Variants in MCTP1 observed in about 807,000 individuals in gnomAD.
The protein encoded by MCTP1 is multiple C2 and transmembrane domain containing 1.
Under a neutral mutation model 120.6 loss-of-function variants are expected in MCTP1, and 69 were observed. That is an observed-to-expected ratio of 0.57 (90% CI 0.47 to 0.70). MCTP1 has a LOEUF of 0.70. Ranked by LOEUF, MCTP1 falls within the 30% of genes least tolerant of loss-of-function variation. MCTP1 has a pLI of 0.00. For missense variants in MCTP1, 1,203 were observed against 1,248.8 expected (o/e 0.96, Z 0.55); for synonymous variants, 529 against 493.1 (o/e 1.07, Z -0.96).
chr5:94,967,329 T>C (rs1825857534), intron 2 of MCTP1, among the ~76,000 whole-genome samples: 1 of 152,198 alleles, frequency 6.6e-6, no homozygotes, highest in Admixed American at 6.5e-5. Context: ...ATTGAACACT[T>C]ATTATATCAG....
intron 17 of MCTP1, among the ~76,000 whole-genome samples, chr5:94,829,249 G>C (rs920735300): frequency 2.0e-5 from 3 of 152,092 alleles, no homozygotes; most frequent in African/African-American, 7.2e-5. Context: ...GTGCTTCCTG[G>C]GTGAGGCGAC....
intron 1 of MCTP1, among the ~76,000 whole-genome samples, chr5:95,045,815 T>C (rs1024164178): frequency 6.6e-6 from 1 of 152,170 alleles, no homozygotes; most frequent in African/African-American, 2.4e-5. Context: ...GCTCCTTCTG[T>C]ATTTCAGAAA....
In MCTP1 at chr5:95,283,896, G is replaced by C; in HGVS notation, c.680C>G (p.Ser227Cys). 1 of 1,384,440 alleles carries C rather than the reference G, an allele frequency of 7.2e-7. No individual in the cohort carries two copies. Among genetic ancestry groups the C allele is most frequent in the Non-Finnish European group, 9.3e-7 (1 of 1,078,326 alleles). The allele number at this position is 1,384,440 out of a possible 1,614,324, so 85.8% of individuals were successfully genotyped here. A position where few individuals can be genotyped will look rare whatever the true frequency, so the allele number is the denominator to read the frequency against. Residue 227 changes from serine to cysteine, a missense_variant, in exon 1 of 23, where the codon TCT (serine) becomes TGT (cysteine). Transcript: ENST00000515393. Reference sequence around the variant, plus strand: ...CTCCTCGCCCGTCTCCGGGGCCCGAGACTCCGCGGGACTCCGCGCCGGCTC... The same window carrying C: ...CTCCTCGCCCGTCTCCGGGGCCCGACACTCCGCGGGACTCCGCGCCGGCTC... ...PAEPARSPAE[S>C]RAPETGEEHG...
chr5:95,007,455 T>G (rs1310289985), intron 2 of MCTP1, among the ~76,000 whole-genome samples: 1 of 152,164 alleles, frequency 6.6e-6, no homozygotes, highest in Non-Finnish European at 1.5e-5. Flanking sequence ...CCAACCATCA[T>G]ACCTGATGCA....
intron 10 of MCTP1, among the ~76,000 whole-genome samples, chr5:94,903,801 A>C (rs1419049637): frequency 6.6e-6 from 1 of 152,202 alleles, no homozygotes; most frequent in African/African-American, 2.4e-5. Flanking sequence ...TAATGCTGTA[A>C]ATCTTGCTAT....
chr5:94,758,563 A>G (rs1381877645), intron 19 of MCTP1, among the ~76,000 whole-genome samples: 1 of 152,236 alleles, frequency 6.6e-6, no homozygotes, highest in Non-Finnish European at 1.5e-5. Context: ...CAACTCTTAC[A>G]AGACAAAAAC....
At chr5:94,987,364 C>A (rs1202718617) in intron 2 of MCTP1, among the ~76,000 whole-genome samples, 1 of 152,094 alleles carries the variant, frequency 6.6e-6, no homozygotes, top group Non-Finnish European at 1.5e-5. Context: ...CTAGAATCAC[C>A]AATGTGCTGG....
At chr5:95,243,422 A>G (rs941775357) in intron 1 of MCTP1, among the ~76,000 whole-genome samples, 1 of 152,206 alleles carries the variant, frequency 6.6e-6, no homozygotes, top group Non-Finnish European at 1.5e-5. Flanking sequence ...CTCTGAAAAG[A>G]GTCATCACGG....
intron 1 of MCTP1, among the ~76,000 whole-genome samples, chr5:95,067,147 G>A (rs1315548995): frequency 6.6e-6 from 1 of 152,026 alleles, no homozygotes; most frequent in Admixed American, 6.6e-5. Flanking sequence ...GTGGGAGTGG[G>A]GGGATCGGAA....
At chr5:95,067,273 G>A (rs529174023) in intron 1 of MCTP1, among the ~76,000 whole-genome samples, 2 of 152,286 alleles carry the variant, frequency 1.3e-5, no homozygotes, top group South Asian at 2.1e-4. Context: ...AATATCGAAA[G>A]GAGGGGATTT....
chr5:94,763,391 A>T (rs1771804050), intron 19 of MCTP1, among the ~76,000 whole-genome samples: 1 of 152,172 alleles, frequency 6.6e-6, no homozygotes, highest in South Asian at 2.1e-4. Context: ...CCTCCTGCAC[A>T]TTATGCTCCT....
intron 1 of MCTP1, among the ~76,000 whole-genome samples, chr5:95,156,068 A>T (rs1243417894): frequency 6.6e-6 from 1 of 152,192 alleles, no homozygotes; most frequent in East Asian, 1.9e-4. Flanking sequence ...TCTAGGAACT[A>T]GGAACACAAA....
intron 1 of MCTP1, among the ~76,000 whole-genome samples, chr5:95,245,707 G>A (rs1756688977): frequency 6.6e-6 from 1 of 152,144 alleles, no homozygotes; most frequent in African/African-American, 2.4e-5. Context: ...CATTTGATTG[G>A]TGTACCGGAA....
intron 17 of MCTP1, among the ~76,000 whole-genome samples, chr5:94,819,592 T>C (rs1785215621): frequency 6.6e-6 from 1 of 152,218 alleles, no homozygotes; most frequent in Admixed American, 6.5e-5. Context: ...TGTTCATCTA[T>C]GTCAATTCTA....
At chr5:95,147,388 TG>T (rs1465757642) in intron 1 of MCTP1, among the ~76,000 whole-genome samples, 1 of 152,198 alleles carries the variant, frequency 6.6e-6, no homozygotes, top group Non-Finnish European at 1.5e-5. Context: ...GCCCAGCTAT[TG>T]GGTGCTTATT....
intron 1 of MCTP1, among the ~76,000 whole-genome samples, chr5:95,174,151 C>G (rs1747692951): frequency 6.6e-6 from 1 of 151,960 alleles, no homozygotes; most frequent in Admixed American, 6.6e-5. Context: ...GGCATGATAA[C>G]TATTTGTTGA....
At position 94,779,170 on chromosome 5, in the gene MCTP1, A is replaced by C. The variant is rs781414579; in HGVS notation, c.2557-7T>G. 2 of 1,613,342 alleles carry C rather than the reference A, an allele frequency of 1.2e-6. No individual in the cohort carries two copies. ...CTAGCATGTCCTCCACTACCTGCAG[A>C]GAGAAACAGAAGTCGTTTTTTGTGC... is the stretch of plus-strand genomic sequence containing the variant. On this transcript the variant is annotated splice_polypyrimidine_tract_variant and splice_region_variant and intron_variant, in intron 18 of 22. Transcript: ENST00000515393.
At chr5:94,972,648 A>T (rs116619648) in intron 2 of MCTP1, among the ~76,000 whole-genome samples, 8,945 of 152,280 alleles carry the variant, frequency 0.059, 387 homozygotes, top group Middle Eastern at 0.095. Flanking sequence ...ATATAATTTT[A>T]AAAATTATCA....
chr5:95,209,471 T>C (rs993332159), intron 1 of MCTP1, among the ~76,000 whole-genome samples: 2 of 152,210 alleles, frequency 1.3e-5, no homozygotes, highest in African/African-American at 4.8e-5. Context: ...ATTATTCCTA[T>C]ACTCAAAAAC....
Sources: gnomAD v4.1 joint callset for allele counts (sites outside exome capture counted in the v4.1 genomes callset) on GRCh38, gnomAD v4.1.1 for gene constraint, MANE v1.5 for transcripts, NCBI Gene and HGNC (gene_info 2026-07-23, HGNC 2026-07-21) for gene names.